Variants in AMMECR1 observed in about 807,000 individuals in gnomAD.
AMMECR1 encodes AMMECR nuclear protein 1.
Under a neutral mutation model 22.5 loss-of-function variants are expected in AMMECR1, and 3 were observed. The ratio of observed to expected loss-of-function variants is 0.13; its 90% CI spans 0.06 to 0.35. AMMECR1 has a LOEUF of 0.35. AMMECR1 is among the 10% of genes least tolerant of loss of function. AMMECR1 has a pLI of 1.00. For missense variants in AMMECR1, 235 were observed against 278.7 expected, an observed-to-expected ratio of 0.84 and a Z score of 1.12; for synonymous variants, 130 against 116.7, an observed-to-expected ratio of 1.11 and a Z score of -0.74.
chrX:110,431,900 G>C (rs1207322919), intron 1 of AMMECR1, among the ~76,000 whole-genome samples: 1 of 111,873 alleles, frequency 8.9e-6, no homozygotes, highest in Non-Finnish European at 1.9e-5. Context: ...AAGCATATTA[G>C]GTGAGAGTTG....
chrX:110,339,973 T>TACACAC (rs35459612), intron 2 of AMMECR1, among the ~76,000 whole-genome samples: 1,145 of 78,745 alleles, frequency 0.015, 16 homozygotes, highest in African/African-American at 0.033. Flanking sequence ...AGGCAAAACA[T>TACACAC]ACACACACAC....
At chrX:110,227,054 G>T (rs1223850742) in intron 2 of AMMECR1, among the ~76,000 whole-genome samples, 1 of 111,523 alleles carries the variant, frequency 9.0e-6, no homozygotes, top group Non-Finnish European at 1.9e-5. Flanking sequence ...GTCATAATAG[G>T]TTACCAAAGT....
Position 110,233,378 on chromosome X carries a change from T to C in AMMECR1, c.585-16746A>G, listed in dbSNP as rs772723788. 2.1e-3 allele frequency among the ~76,000 whole-genome samples: 231 copies of C among 111,688 alleles called. 1 individual carries two copies. Among genetic ancestry groups the C allele is most frequent in the Non-Finnish European group, 3.4e-3 (182 of 53,104 alleles). On this transcript the variant is annotated intron_variant, in intron 2 of 5. Transcript: ENST00000262844. The stretch of plus-strand genomic sequence containing the variant: ...CAAAAAAAGTCCAGGACCAGATGAA[T>C]TCACAGCTGAATTCTACCAGACGTA...
At chrX:110,395,632 T>C (rs1415515615) in intron 2 of AMMECR1, among the ~76,000 whole-genome samples, 3 of 112,221 alleles carry the variant, frequency 2.7e-5, no homozygotes, top group African/African-American at 9.7e-5. Flanking sequence ...CAACCTTTTT[T>C]CTTTTTCTTT....
At chrX:110,313,199 A>C (rs1432857167) in intron 1 of AMMECR1, among the ~76,000 whole-genome samples, 1 of 112,117 alleles carries the variant, frequency 8.9e-6, no homozygotes, top group East Asian at 2.8e-4. Flanking sequence ...GAAAGAGTTA[A>C]CTGTTAAAAC....
At chrX:110,226,925 G>A (rs2067536864) in intron 2 of AMMECR1, among the ~76,000 whole-genome samples, 1 of 111,586 alleles carries the variant, frequency 9.0e-6, no homozygotes, top group African/African-American at 3.3e-5. Context: ...TGGTGACTCA[G>A]AGCTGCTACC....
chrX:110,306,080 G>C (rs2067993202), intron 1 of AMMECR1, among the ~76,000 whole-genome samples: 1 of 111,019 alleles, frequency 9.0e-6, no homozygotes, highest in African/African-American at 3.3e-5. Context: ...AGGAGATCGA[G>C]ACCATCCTGG....
chrX:110,347,431 G>A (rs1454320700), intron 2 of AMMECR1, among the ~76,000 whole-genome samples: 1 of 113,067 alleles, frequency 8.8e-6, no homozygotes, highest in Non-Finnish European at 1.9e-5. Context: ...CAGATTTTGG[G>A]CTGGGAAGCA....
At chrX:110,283,246 A>G (rs1014075181) in intron 1 of AMMECR1, among the ~76,000 whole-genome samples, 1 of 112,057 alleles carries the variant, frequency 8.9e-6, no homozygotes, top group Non-Finnish European at 1.9e-5. Flanking sequence ...AACATTTTTC[A>G]TGTAAACTAA....
chrX:110,274,380 ACTTATC>A (rs750959941), intron 1 of AMMECR1, among the ~76,000 whole-genome samples: 16 of 111,523 alleles, frequency 1.4e-4, no homozygotes, highest in Non-Finnish European at 3.0e-4. Flanking sequence ...AGTTTTGTCT[ACTTATC>A]CTTTTATGTG....
intron 2 of AMMECR1, among the ~76,000 whole-genome samples, chrX:110,362,895 T>C (rs1266231932): frequency 8.9e-6 from 1 of 112,016 alleles, no homozygotes; most frequent in Non-Finnish European, 1.9e-5. Context: ...TTAATTCTTA[T>C]AAAACACCTA....
At chrX:110,217,283 T>C (rs1342262782) in intron 2 of AMMECR1, among the ~76,000 whole-genome samples, 1 of 108,777 alleles carries the variant, frequency 9.2e-6, no homozygotes, top group African/African-American at 3.3e-5. Context: ...AAAGGATAAT[T>C]TAACATATGA....
intron 2 of AMMECR1, among the ~76,000 whole-genome samples, chrX:110,414,595 C>CT (rs2068664572): frequency 1.8e-5 from 2 of 113,148 alleles, no homozygotes; most frequent in African/African-American, 6.4e-5. Context: ...AAGTCACTCA[C>CT]TAACGTGACA....
At chrX:110,242,373 A>G (rs1252456954) in intron 2 of AMMECR1, among the ~76,000 whole-genome samples, 2 of 112,299 alleles carry the variant, frequency 1.8e-5, no homozygotes, top group Non-Finnish European at 1.9e-5. Context: ...AAGAATACTG[A>G]ATAAAATAAT....
At chrX:110,266,107 C>T (rs2067767142) in intron 1 of AMMECR1, among the ~76,000 whole-genome samples, 1 of 109,014 alleles carries the variant, frequency 9.2e-6, no homozygotes, top group African/African-American at 3.4e-5. Context: ...AAGGTAAAAG[C>T]CAGTTTTTTT....
At chrX:110,400,379 G>A (rs2068556038) in intron 2 of AMMECR1, among the ~76,000 whole-genome samples, 1 of 108,446 alleles carries the variant, frequency 9.2e-6, no homozygotes. Context: ...CCCCAATATG[G>A]CTTTCCGTAT....
At chrX:110,321,620 A>AT (rs1437328693), upstream of AMMECR1, among the ~76,000 whole-genome samples, 2 of 111,810 alleles carry the variant, frequency 1.8e-5, no homozygotes, top group African/African-American at 6.5e-5. Context: ...CAACATAGTT[A>AT]TTTTTTCATT....
At chrX:110,345,183 A>G (rs1268692370) in intron 2 of AMMECR1, among the ~76,000 whole-genome samples, 1 of 111,945 alleles carries the variant, frequency 8.9e-6, no homozygotes, top group African/African-American at 3.3e-5. Flanking sequence ...TGATGAGTTT[A>G]TGTCCTTTGT....
chrX:110,397,932 A>T (rs1475090827), intron 2 of AMMECR1, among the ~76,000 whole-genome samples: 2 of 112,277 alleles, frequency 1.8e-5, no homozygotes, highest in East Asian at 5.6e-4. Flanking sequence ...TCTAAAGCTG[A>T]CAAGAAAGAC....
Sources: allele counts gnomAD v4.1 joint callset (sites outside exome capture counted in the v4.1 genomes callset), GRCh38; gene constraint gnomAD v4.1.1; transcripts MANE v1.5; gene names NCBI Gene and HGNC (gene_info 2026-07-23, HGNC 2026-07-21).